Variants in KCND2 observed in about 807,000 individuals in gnomAD.
KCND2 encodes the protein A-type voltage-gated potassium channel KCND2.
A neutral mutation model predicts 54.4 loss-of-function variants in KCND2; 16 were observed. The observed-to-expected ratio is 0.29, with a 90% CI of 0.20 to 0.45. The LOEUF (loss-of-function observed/expected upper bound fraction) is 0.45. KCND2 is among the 20% of genes least tolerant of loss of function. The probability of loss-of-function intolerance (pLI) is 1.00; values close to 1 mark genes in which losing one functional copy is unlikely to be tolerated. For missense variants in KCND2, 486 were observed against 824.2 expected, an observed-to-expected ratio of 0.59 and a Z score of 5.02; for synonymous variants, 317 against 310.7, an observed-to-expected ratio of 1.02 and a Z score of -0.21.
chr7:120,345,081 A>G (rs779081233), intron 1 of KCND2, among the ~76,000 whole-genome samples: 1 of 124,768 alleles, frequency 8.0e-6, no homozygotes, highest in Non-Finnish European at 1.8e-5. Flanking sequence ...TAGATCAAGG[A>G]TTAAAAAAGA....
intron 1 of KCND2, among the ~76,000 whole-genome samples, chr7:120,361,074 G>A (rs1036998474): frequency 6.6e-6 from 1 of 151,722 alleles, no homozygotes; most frequent in Non-Finnish European, 1.5e-5. Context: ...CTTGTGGCTT[G>A]TCAATGTAGC....
intron 1 of KCND2, 121 bp downstream of exon 1, chr7:120,275,868 C>A: frequency 8.8e-7 from 1 of 1,136,388 alleles, no homozygotes; most frequent in Non-Finnish European, 1.3e-6. Flanking sequence ...TTTAGGAAAG[C>A]ATTATCTAAA....
intron 1 of KCND2, among the ~76,000 whole-genome samples, chr7:120,620,252 A>C (rs928853656): frequency 6.6e-6 from 1 of 151,924 alleles, no homozygotes; most frequent in African/African-American, 2.4e-5. Context: ...AAAAAAAAAA[A>C]CTCTTACTTT....
At chr7:120,488,784 T>A (rs943626241) in intron 1 of KCND2, among the ~76,000 whole-genome samples, 1 of 152,124 alleles carries the variant, frequency 6.6e-6, no homozygotes, top group Non-Finnish European at 1.5e-5. Context: ...TTAAAAATCT[T>A]ATTTATTTAA....
At chr7:120,658,083 C>T (rs956921854) in intron 1 of KCND2, among the ~76,000 whole-genome samples, 6 of 152,014 alleles carry the variant, frequency 3.9e-5, no homozygotes, top group African/African-American at 1.2e-4. Flanking sequence ...AGTAATTAAT[C>T]CAAATTTCCA....
intron 1 of KCND2, among the ~76,000 whole-genome samples, chr7:120,320,316 T>A (rs1037026827): frequency 6.6e-6 from 1 of 152,168 alleles, no homozygotes; most frequent in Admixed American, 6.6e-5. Context: ...AGTGTCACTT[T>A]GGTCTAGCCT....
At chr7:120,351,244 G>GTATATGTATATA (rs1554430136) in intron 1 of KCND2, among the ~76,000 whole-genome samples, 8 of 137,352 alleles carry the variant, frequency 5.8e-5, no homozygotes, top group Non-Finnish European at 9.2e-5. Flanking sequence ...TTATATGTGT[G>GTATATGTATATA]TATATATATA....
chr7:120,672,540 C>T (rs924930984), intron 1 of KCND2, among the ~76,000 whole-genome samples: 9 of 152,190 alleles, frequency 5.9e-5, no homozygotes, highest in East Asian at 1.9e-4. Context: ...CCTCTTTCTG[C>T]GTCCACAATA....
chr7:120,348,329 C>A (rs1398501377), intron 1 of KCND2, among the ~76,000 whole-genome samples: 1 of 152,130 alleles, frequency 6.6e-6, no homozygotes, highest in African/African-American at 2.4e-5. Flanking sequence ...GCTGAGTTGA[C>A]TTGAAGCCCT....
intron 1 of KCND2, among the ~76,000 whole-genome samples, chr7:120,648,555 A>G (rs1215050322): frequency 6.6e-6 from 1 of 152,232 alleles, no homozygotes; most frequent in Admixed American, 6.5e-5. Context: ...GAGGCAAAAC[A>G]AAAGAGGTGA....
chr7:120,682,669 A>G (rs1792154196), intron 1 of KCND2, among the ~76,000 whole-genome samples: 1 of 152,146 alleles, frequency 6.6e-6, no homozygotes, highest in Non-Finnish European at 1.5e-5. Flanking sequence ...GAAATGAAGC[A>G]ATGACAAGAT....
chr7:120,496,288 T>C (rs1802846180), intron 1 of KCND2, among the ~76,000 whole-genome samples: 1 of 152,096 alleles, frequency 6.6e-6, no homozygotes, highest in Non-Finnish European at 1.5e-5. Context: ...TCTTTTTGTG[T>C]CTTCCTTGGT....
chr7:120,478,574 G>C (rs1802562309), intron 1 of KCND2, among the ~76,000 whole-genome samples: 1 of 152,028 alleles, frequency 6.6e-6, no homozygotes, highest in Non-Finnish European at 1.5e-5. Context: ...GATTTTTCCA[G>C]TGTAGTATGA....
At chr7:120,276,419 T>A (rs1799175595) in intron 1 of KCND2, among the ~76,000 whole-genome samples, 1 of 152,066 alleles carries the variant, frequency 6.6e-6, no homozygotes, top group Admixed American at 6.6e-5. Flanking sequence ...AAGCTCTAGG[T>A]TCATAGTTTC....
At chr7:120,399,014 T>A (rs1476419933) in intron 1 of KCND2, among the ~76,000 whole-genome samples, 1 of 151,890 alleles carries the variant, frequency 6.6e-6, no homozygotes, top group Non-Finnish European at 1.5e-5. Context: ...GAAGCCAATC[T>A]CACCTTTTGC....
At chr7:120,300,655 C>A (rs1038712788) in intron 1 of KCND2, among the ~76,000 whole-genome samples, 12 of 151,952 alleles carry the variant, frequency 7.9e-5, no homozygotes, top group African/African-American at 2.9e-4. Flanking sequence ...TCTCATTAAT[C>A]TAACAAAATG....
At chr7:120,501,918 A>T (rs1298276753) in intron 1 of KCND2, among the ~76,000 whole-genome samples, 2 of 152,130 alleles carry the variant, frequency 1.3e-5, no homozygotes, top group Non-Finnish European at 2.9e-5. Context: ...AGAAGCATAT[A>T]CTTTGATATT....
chr7:120,561,223 A>G (rs1156420474), intron 1 of KCND2, among the ~76,000 whole-genome samples: 2 of 152,336 alleles, frequency 1.3e-5, no homozygotes, highest in East Asian at 1.9e-4. Context: ...CAGCACTGCA[A>G]ATAAAGAAGT....
intron 1 of KCND2, among the ~76,000 whole-genome samples, chr7:120,684,062 A>G (rs913826238): frequency 2.0e-5 from 3 of 152,120 alleles, no homozygotes; most frequent in Non-Finnish European, 4.4e-5. Flanking sequence ...ATTTAGTAAA[A>G]TAGTTGTAAT....
Sources: allele counts gnomAD v4.1 joint callset (sites outside exome capture counted in the v4.1 genomes callset), GRCh38; gene constraint gnomAD v4.1.1; transcripts MANE v1.5; gene names NCBI Gene and HGNC (gene_info 2026-07-23, HGNC 2026-07-21).